PCDHGA6: variants seen among roughly 807,000 people sequenced by gnomAD.
The protein encoded by PCDHGA6 is protocadherin gamma subfamily A, 6.
A neutral mutation model predicts 60.6 loss-of-function variants in PCDHGA6; 41 were observed. The ratio of observed to expected loss-of-function variants is 0.68; its 90% CI spans 0.53 to 0.88. The LOEUF is 0.88. Among genes scored for constraint, PCDHGA6 ranks in the 40% least tolerant of loss-of-function variants. PCDHGA6 has a pLI of 0.00. For missense variants in PCDHGA6, 1,312 were observed against 1,203.0 expected (o/e 1.09, Z -1.34); for synonymous variants, 594 against 524.4 (o/e 1.13, Z -1.81).
chr5:141,411,174 A>T (rs574627520), intron 1 of PCDHGA6: 4 of 152,400 alleles, frequency 2.6e-5, no homozygotes, highest in African/African-American at 7.2e-5. Flanking sequence ...GAACAGAAGC[A>T]GTGGTCTTGG....
At chr5:141,414,458 C>T (rs2095749873) in intron 1 of PCDHGA6, 9 of 1,613,698 alleles carry the variant, frequency 5.6e-6, no homozygotes, top group Non-Finnish European at 6.8e-6. Flanking sequence ...ACAGTGACAG[C>T]CACAGATGGG....
At chr5:141,506,237 T>G (rs558256375) in intron 3 of PCDHGA6, among the ~76,000 whole-genome samples, 1 of 152,014 alleles carries the variant, frequency 6.6e-6, no homozygotes, top group South Asian at 2.1e-4. Flanking sequence ...GATCATGAGG[T>G]CAGGAGTTCG....
chr5:141,374,973 T>C lies in PCDHGA6; in HGVS notation c.890T>C (p.Leu297Ser), dbSNP rs1770996442. ...TCACAAATTTTCTGTTTGAATGTTT[T>C]GACTGGAGAAATTTCAACTTCTGCA... Reference protein sequence around the residue: ...KISQIFCLNVLTGEISTSANL... With the variant: ...KISQIFCLNVSTGEISTSANL... The change falls in exon 1 of 4, where the codon TTG becomes TCG. Residue 297 changes from leucine (L) to serine (S), a missense_variant. Physicochemically the swap from Leu to Ser is moderately radical, Grantham distance 145. Coordinates refer to ENST00000517434, the MANE Select transcript of PCDHGA6 (RefSeq NM_018919.3). The C allele has an allele frequency of 6.2e-7, 1 of 1,614,028 alleles. No individual in the cohort carries two copies. The highest frequency in any genetic ancestry group is 8.5e-7 in the Non-Finnish European group (1 of 1,179,908).
chr5:141,421,901 G>C (rs754277661), intron 1 of PCDHGA6: 1 of 1,613,724 alleles, frequency 6.2e-7, no homozygotes, highest in East Asian at 2.2e-5. Flanking sequence ...ATCCGAAAGG[G>C]CGCAGTTCCC....
intron 1 of PCDHGA6, among the ~76,000 whole-genome samples, chr5:141,449,561 C>T (rs777459619): frequency 2.7e-4 from 39 of 147,008 alleles, no homozygotes; most frequent in Non-Finnish European, 4.6e-4. Flanking sequence ...TGCACTCCAG[C>T]CTGGGCGACA....
chr5:141,409,491 C>T (rs747701093), intron 1 of PCDHGA6: 3 of 1,613,994 alleles, frequency 1.9e-6, no homozygotes, highest in East Asian at 2.2e-5. Flanking sequence ...AGGGGCAAGC[C>T]GCCTCTTTCT....
chr5:141,487,001 C>T lies in PCDHGA6; in HGVS notation c.2425-7806C>T. ...TTACAATGCTTGGGTTTCCTATCAG[C>T]TCCTGGAGGCCCCAGATCCCAGCCT... On this transcript the variant is annotated intron_variant, in intron 1 of 3. Transcript: ENST00000517434. This position sits in a 1 kb window ranked among gnomAD's most constrained non-coding sequence, Gnocchi z 5.0. 6.2e-7 allele frequency: 1 copy of T among 1,614,218 alleles called. No individual in the cohort carries two copies. The highest frequency in any genetic ancestry group is 8.5e-7 in the Non-Finnish European group (1 of 1,180,038).
intron 1 of PCDHGA6, chr5:141,394,793 C>T (rs1178290546): frequency 1.1e-5 from 17 of 1,613,654 alleles, no homozygotes; most frequent in African/African-American, 2.7e-5. Flanking sequence ...CTGTCACGCT[C>T]ACCGTAGCCG....
chr5:141,374,803 A>C lies in PCDHGA6; in HGVS notation c.720A>C (p.Pro240=), dbSNP rs371815306. The change falls in exon 1 of 4, where the codon CCA becomes CCC. Residue 240 remains proline (P), a synonymous_variant. Transcript: ENST00000517434. ...VTVLDVNDNT[P]MFTQPVYRVS... ...TTCTAGATGTGAATGACAACACTCC[A>C]ATGTTTACTCAGCCTGTCTACCGTG... 7 of 1,613,866 alleles carry C rather than the reference A, an allele frequency of 4.3e-6. No individual in the cohort carries two copies. The highest frequency in any genetic ancestry group is 4.0e-5 in the African/African-American group (3 of 74,950).
At chr5:141,501,313 ACAC>A (rs2099807743) in intron 2 of PCDHGA6, among the ~76,000 whole-genome samples, 1 of 151,686 alleles carries the variant, frequency 6.6e-6, no homozygotes, top group Non-Finnish European at 1.5e-5. Context: ...ACACACACAC[ACAC>A]ACACACACAC....
Position 141,486,544 on chromosome 5 carries a change from G to C in PCDHGA6, c.2425-8263G>C, listed in dbSNP as rs1376583724. Reference sequence around the variant, plus strand: ...ATGATAATCCACCCTCTTTCTTTCAGAGGTCACATGAGGTGTTTGTTCCTG... The same window carrying C: ...ATGATAATCCACCCTCTTTCTTTCACAGGTCACATGAGGTGTTTGTTCCTG... On this transcript the variant is annotated intron_variant, in intron 1 of 3. Coordinates refer to ENST00000517434, the MANE Select transcript of PCDHGA6 (RefSeq NM_018919.3). The surrounding 1 kb of genome is among the most constrained non-coding windows in gnomAD (Gnocchi z 5.0). The C allele has an allele frequency of 6.2e-7, 1 of 1,613,964 alleles. No homozygotes were observed. The highest frequency in any genetic ancestry group is 1.3e-5 in the African/African-American group (1 of 74,932).
intron 1 of PCDHGA6, chr5:141,384,121 A>G (rs1779757093): frequency 1.2e-6 from 2 of 1,609,374 alleles, no homozygotes; most frequent in African/African-American, 1.3e-5. Context: ...GGTCACAACC[A>G]AAAACTTGGA....
intron 1 of PCDHGA6, among the ~76,000 whole-genome samples, chr5:141,450,223 G>A (rs1458841129): frequency 2.0e-5 from 3 of 151,818 alleles, no homozygotes; most frequent in Non-Finnish European, 4.4e-5. Context: ...TCACTATGTT[G>A]GCCAGGCTAG....
In PCDHGA6 at chr5:141,375,663, A is replaced by G; in HGVS notation, c.1580A>G (p.Asp527Gly). 1 of 1,614,108 alleles carries G rather than the reference A, an allele frequency of 6.2e-7. No homozygotes were observed. Among genetic ancestry groups the G allele is most frequent in the South Asian group, 1.1e-5 (1 of 91,078 alleles). The part of the protein sequence containing the change: ...LRSFDYEQLR[D>G]LQLWVTASDS... ...TCCTTCGACTATGAGCAGTTGAGAG[A>G]CCTACAGCTGTGGGTGACAGCCAGC... is the stretch of plus-strand genomic sequence containing the variant. Residue 527 changes from aspartate to glycine, a missense_variant, in exon 1 of 4, where the codon GAC (aspartate) becomes GGC (glycine). Asp to Gly is a moderately conservative substitution (Grantham distance 94, BLOSUM62 -1). Transcript: ENST00000517434.
rs6883529 is a variant in PCDHGA6, at chr5:141,427,618, A to G, written c.2424+51111A>G. On this transcript the variant is annotated intron_variant, in intron 1 of 3. Coordinates refer to ENST00000517434, the MANE Select transcript of PCDHGA6 (RefSeq NM_018919.3). ...ACCCTACGCATTGGTGAAGTCAACG[A>G]CAATGCTCCGGTTTTCCACCAAGTC... The G allele has an allele frequency of 3.3e-3, 2,299 of 695,914 alleles. 37 individuals are homozygous for G. In the African/African-American group the frequency reaches 0.033, roughly 10 times the overall value. 43.1% of individuals were successfully genotyped at this position (695,914 alleles called of 1,614,324 possible).
chr5:141,485,177 C>T lies in PCDHGA6; in HGVS notation c.2425-9630C>T. ...AGAGAATTAGCGGGCGGCAGCAATG[C>T]TCCGCAAGGTGAGAAGCTGGACAGA... On this transcript the variant is annotated intron_variant, in intron 1 of 3. Coordinates refer to ENST00000517434, the MANE Select transcript of PCDHGA6 (RefSeq NM_018919.3). This position sits in a 1 kb window ranked among gnomAD's most constrained non-coding sequence, Gnocchi z 5.7. 1 of 1,612,024 alleles carries T rather than the reference C, an allele frequency of 6.2e-7. No homozygotes were observed. Among genetic ancestry groups the T allele is most frequent in the South Asian group, 1.1e-5 (1 of 90,956 alleles).
intron 1 of PCDHGA6, among the ~76,000 whole-genome samples, chr5:141,435,357 T>C (rs749223776): frequency 6.6e-6 from 1 of 152,208 alleles, no homozygotes; most frequent in Non-Finnish European, 1.5e-5. Flanking sequence ...CATTTAAAAT[T>C]TTATCACTTA....
At chr5:141,430,689 T>A in intron 1 of PCDHGA6, 1 of 1,408,998 alleles carries the variant, frequency 7.1e-7, no homozygotes, top group Non-Finnish European at 9.4e-7. Flanking sequence ...TCCCATTCTA[T>A]GGGCGAAGGA....
At chr5:141,392,770 T>G in intron 1 of PCDHGA6, 1 of 1,511,750 alleles carries the variant, frequency 6.6e-7, no homozygotes, top group South Asian at 1.3e-5. Flanking sequence ...AAGACCCATT[T>G]ATGCACAGTG....
Sources: allele counts gnomAD v4.1 joint callset (sites outside exome capture counted in the v4.1 genomes callset), GRCh38; gene constraint gnomAD v4.1.1; non-coding constraint Gnocchi (gnomAD v3.1); transcripts MANE v1.5; gene names NCBI Gene and HGNC (gene_info 2026-07-23, HGNC 2026-07-21).